DGKI: variants seen among roughly 807,000 people sequenced by gnomAD.
DGKI encodes diacylglycerol kinase iota, also known as DAG kinase iota.
A neutral mutation model predicts 147.5 loss-of-function variants in DGKI; 55 were observed. That is an observed-to-expected ratio of 0.37 (90% CI 0.30 to 0.47). The LOEUF is 0.47. DGKI is among the 20% of genes least tolerant of loss of function. The pLI is 1.00. For missense variants in DGKI, 1,007 were observed against 1,323.8 expected (o/e 0.76, Z 3.71); for synonymous variants, 469 against 477.1 (o/e 0.98, Z 0.22).
chr7:137,708,950 G>A (rs1794129669), intron 1 of DGKI, among the ~76,000 whole-genome samples: 1 of 152,130 alleles, frequency 6.6e-6, no homozygotes, highest in Non-Finnish European at 1.5e-5. Context: ...TTTTGAAAAA[G>A]GCATCTATTA....
intron 2 of DGKI, among the ~76,000 whole-genome samples, chr7:137,686,249 A>G (rs1264249044): frequency 6.6e-6 from 1 of 152,236 alleles, no homozygotes; most frequent in Non-Finnish European, 1.5e-5. Flanking sequence ...GATTGAAAAG[A>G]TGAGCATGGC....
intron 20 of DGKI, among the ~76,000 whole-genome samples, chr7:137,541,733 G>T (rs1010244026): frequency 6.6e-6 from 1 of 152,018 alleles, no homozygotes; most frequent in African/African-American, 2.4e-5. Context: ...AAGCTAAATG[G>T]CACATCTCAT....
chr7:137,595,820 G>A (rs1344347932), intron 12 of DGKI, among the ~76,000 whole-genome samples: 1 of 151,510 alleles, frequency 6.6e-6, no homozygotes, highest in Non-Finnish European at 1.5e-5. Flanking sequence ...TGGCTAACAC[G>A]GTGAAACATC....
At chr7:137,395,756 G>T in intron 31 of DGKI, 59 bp from the exon 32 acceptor site, 1 of 1,517,276 alleles carries the variant, frequency 6.6e-7, no homozygotes. Flanking sequence ...GCAGGGAATG[G>T]GTGAGGGGAG....
intron 1 of DGKI, among the ~76,000 whole-genome samples, chr7:137,705,679 T>C (rs1585391173): frequency 6.6e-6 from 1 of 152,156 alleles, no homozygotes; most frequent in Non-Finnish European, 1.5e-5. Context: ...GCAAAACTCA[T>C]AACTTGCATT....
In DGKI at chr7:137,566,869, T is replaced by C. The variant is rs1291634990; in HGVS notation, c.1947+4306A>G. Among the ~76,000 whole-genome samples, 7 of 117,066 alleles carry C rather than the reference T, an allele frequency of 6.0e-5. No individual in the cohort carries two copies. The East Asian group carries it at 1.6e-3, about 27-fold the overall frequency. 76.8% of individuals were successfully genotyped at this position (117,066 alleles called of 152,430 possible). A position where few individuals can be genotyped will look rare whatever the true frequency, so the allele number is the denominator to read the frequency against. On this transcript the variant is annotated intron_variant, in intron 19 of 32. Transcript: ENST00000614521. ...ACAGAGATTTTGAATTTAAAATAGA[T>C]AAAACACAGTGTATTTCTTTTGAGA...
chr7:137,722,110 C>G (rs1337207521), intron 1 of DGKI: 5 of 1,598,496 alleles, frequency 3.1e-6, no homozygotes, highest in Non-Finnish European at 3.4e-6. Context: ...GAAGGGGAAG[C>G]CCCATTGCAG....
At chr7:137,426,774 A>T (rs939146435) in intron 28 of DGKI, among the ~76,000 whole-genome samples, 10 of 151,672 alleles carry the variant, frequency 6.6e-5, no homozygotes, top group African/African-American at 2.4e-4. Flanking sequence ...AACAGACTTT[A>T]AACCAACAAA....
At chr7:137,450,500 C>G (rs1813910198) in intron 27 of DGKI, among the ~76,000 whole-genome samples, 2 of 152,106 alleles carry the variant, frequency 1.3e-5, no homozygotes, top group African/African-American at 4.8e-5. Context: ...GGGCAGATCA[C>G]CTGAGATCAG....
At chr7:137,433,194 T>C (rs1000512018) in intron 28 of DGKI, among the ~76,000 whole-genome samples, 1 of 152,204 alleles carries the variant, frequency 6.6e-6, no homozygotes, top group Non-Finnish European at 1.5e-5. Context: ...GCAGCTATAA[T>C]TGACAGGTTG....
chr7:137,459,338 C>G (rs899604994), intron 27 of DGKI, among the ~76,000 whole-genome samples: 11 of 152,160 alleles, frequency 7.2e-5, no homozygotes, highest in African/African-American at 2.6e-4. Flanking sequence ...CAAAAATGCC[C>G]TGGGTGCCTT....
intron 1 of DGKI, among the ~76,000 whole-genome samples, chr7:137,838,121 G>A (rs951960571): frequency 1.3e-5 from 2 of 148,630 alleles, no homozygotes; most frequent in African/African-American, 2.5e-5. Context: ...CCCTGCCTCA[G>A]CCTCCCAAGT....
chr7:137,579,316 T>A (rs1486489798), intron 15 of DGKI, among the ~76,000 whole-genome samples: 4 of 151,984 alleles, frequency 2.6e-5, no homozygotes, highest in Non-Finnish European at 5.9e-5. Flanking sequence ...ACAAAATAAG[T>A]AAGCTTGCCA....
At chr7:137,749,539 C>G (rs1422218336) in intron 1 of DGKI, among the ~76,000 whole-genome samples, 2 of 152,132 alleles carry the variant, frequency 1.3e-5, no homozygotes, top group East Asian at 1.9e-4. Context: ...CCTAAGAAAC[C>G]CTGGTTGCTT....
Position 137,846,613 on chromosome 7 carries a change from C to A in DGKI, c.250G>T (p.Glu84Ter). 1 of 1,094,758 alleles carries A rather than the reference C, an allele frequency of 9.1e-7. No individual in the cohort carries two copies. The highest frequency in any genetic ancestry group is 1.1e-6 in the Non-Finnish European group (1 of 905,964). The allele number at this position is 1,094,758 out of a possible 1,614,324, so 67.8% of individuals were successfully genotyped here. A position where few individuals can be genotyped will look rare whatever the true frequency, so the allele number is the denominator to read the frequency against. Residue 84 changes from glutamate (E) to a stop codon, truncating the protein, a stop_gained, in exon 1 of 33, where the codon GAG becomes TAG. Coordinates refer to ENST00000614521, the MANE Select transcript of DGKI (RefSeq NM_001321708.2). LOFTEE classifies it high-confidence loss of function. This position sits in a 1 kb window ranked among gnomAD's most constrained non-coding sequence, Gnocchi z 4.0. The stretch of plus-strand genomic sequence containing the variant: ...GCGCCCCGCGGGTCCGCGCCGCCCT[C>A]GGCGCCCAGGCAGCAGCTCCCGGCG... ...SGAGSCCLGA[E>*]GGADPRGAGS...
chr7:137,409,008 A>G (rs1334995398), intron 29 of DGKI, among the ~76,000 whole-genome samples: 1 of 152,214 alleles, frequency 6.6e-6, no homozygotes, highest in Non-Finnish European at 1.5e-5. Flanking sequence ...AGCATAAATG[A>G]CCTAAATGCA....
At chr7:137,568,964 G>A (rs1175790528) in intron 19 of DGKI, among the ~76,000 whole-genome samples, 1 of 150,798 alleles carries the variant, frequency 6.6e-6, no homozygotes, top group East Asian at 1.9e-4. Context: ...AAAAGAACAA[G>A]AACAAGACAC....
At chr7:137,449,201 C>T (rs1355728662) in intron 27 of DGKI, among the ~76,000 whole-genome samples, 1 of 152,124 alleles carries the variant, frequency 6.6e-6, no homozygotes, top group Non-Finnish European at 1.5e-5. Context: ...AGCAAAAGAA[C>T]AAAGCTGGAG....
chr7:137,747,546 G>A (rs1795376464), intron 1 of DGKI, among the ~76,000 whole-genome samples: 1 of 152,190 alleles, frequency 6.6e-6, no homozygotes, highest in Non-Finnish European at 1.5e-5. Flanking sequence ...TAGGGGGTAT[G>A]TAAACTCCCA....
Sources: gnomAD v4.1 joint callset for allele counts (sites outside exome capture counted in the v4.1 genomes callset) on GRCh38, gnomAD v4.1.1 for gene constraint, Gnocchi (gnomAD v3.1) non-coding constraint, MANE v1.5 for transcripts, NCBI Gene and HGNC (gene_info 2026-07-23, HGNC 2026-07-21) for gene names.